SPATA13: variants seen among roughly 807,000 people sequenced by gnomAD.
SPATA13 encodes the protein spermatogenesis-associated protein 13.
SPATA13 carries 50 observed loss-of-function variants against 104.0 expected under a neutral mutation model. The observed-to-expected ratio is 0.48, with a 90% CI of 0.38 to 0.61. SPATA13 has a LOEUF of 0.61. Among genes scored for constraint, SPATA13 ranks in the 20% least tolerant of loss-of-function variants. SPATA13 has a pLI of 0.00. For synonymous variants in SPATA13, 606 were observed against 667.5 expected (o/e 0.91, Z 1.42); for missense variants, 1,524 against 1,690.6 (o/e 0.90, Z 1.73).
At chr13:24,283,657 G>A (rs1178073002) in intron 4 of SPATA13, among the ~76,000 whole-genome samples, 1 of 152,216 alleles carries the variant, frequency 6.6e-6, no homozygotes, top group African/African-American at 2.4e-5. Flanking sequence ...TGTACAGAGA[G>A]TAAGAATGAT....
intron 8 of SPATA13, among the ~76,000 whole-genome samples, chr13:24,290,376 G>T (rs766207985): frequency 7.2e-5 from 11 of 152,140 alleles, no homozygotes; most frequent in Admixed American, 3.9e-4. Flanking sequence ...CGTGAGGCAG[G>T]CTAGAAAGAG....
At chr13:24,063,975 C>G (rs182741960) in intron 3 of SPATA13, among the ~76,000 whole-genome samples, 3 of 152,252 alleles carry the variant, frequency 2.0e-5, no homozygotes, top group African/African-American at 7.2e-5. Context: ...ACTGTGTGGC[C>G]TCACCGCCTC....
chr13:24,054,036 C>A (rs1046509741), intron 3 of SPATA13, among the ~76,000 whole-genome samples: 1 of 152,114 alleles, frequency 6.6e-6, no homozygotes, highest in Non-Finnish European at 1.5e-5. Flanking sequence ...CTCTGCCCTG[C>A]GGGGACACTC....
chr13:24,262,680 A>C (rs983728749), intron 4 of SPATA13, among the ~76,000 whole-genome samples: 5 of 152,230 alleles, frequency 3.3e-5, no homozygotes, highest in Admixed American at 2.0e-4. Context: ...CAGATGTGGA[A>C]GAATGACCTG....
rs544423122 is a variant in SPATA13 at position 24,108,045 on chromosome 13, C to T, written c.-112+90344C>T. ...ACCAAGATCAGGGCACTGGTAGGCT[C>T]GGTGTCTGGATAGGGCCTGATCCTG... On this transcript the variant is annotated intron_variant, in intron 3 of 14. Coordinates refer to the SPATA13 transcript ENST00000424834. Among the ~76,000 whole-genome samples the T allele has an allele frequency of 1.1e-4, 17 of 152,272 alleles. 1 individual carries two copies. The South Asian group carries it at 1.2e-3, about 11-fold the overall frequency.
chr13:24,068,681 T>C (rs1879053905), intron 3 of SPATA13, among the ~76,000 whole-genome samples: 1 of 152,188 alleles, frequency 6.6e-6, no homozygotes, highest in Non-Finnish European at 1.5e-5. Context: ...TGCATTCTTA[T>C]GCAGTGAGAG....
At position 24,009,729 on chromosome 13, in the gene SPATA13, G is replaced by T. The variant is rs184411988; in HGVS notation, c.-146-7938G>T. On this transcript the variant is annotated intron_variant, in intron 2 of 14. Coordinates refer to the SPATA13 transcript ENST00000424834. ...TTTATCATATAGATGAAGCCTCCAG[G>T]TAGCAGGCTTCAGAGAAAACAGATT... is the stretch of plus-strand genomic sequence containing the variant. Among the ~76,000 whole-genome samples, 12 of 152,348 alleles carry T rather than the reference G, an allele frequency of 7.9e-5. No individual in the cohort carries two copies. In the East Asian group the frequency reaches 2.3e-3, roughly 29 times the overall value.
At chr13:23,986,059 G>A (rs1009186862) in intron 2 of SPATA13, among the ~76,000 whole-genome samples, 3 of 152,190 alleles carry the variant, frequency 2.0e-5, no homozygotes, top group Non-Finnish European at 2.9e-5. Flanking sequence ...TGCAGCTGTC[G>A]CTCATTCCAC....
chr13:24,166,947 T>G (rs1379895692), intron 1 of SPATA13, among the ~76,000 whole-genome samples: 1 of 152,220 alleles, frequency 6.6e-6, no homozygotes, highest in Non-Finnish European at 1.5e-5. Flanking sequence ...GAGGGACACA[T>G]ACATTCAGAC....
intron 3 of SPATA13, among the ~76,000 whole-genome samples, chr13:24,024,070 G>T (rs756024079): frequency 5.3e-5 from 8 of 152,186 alleles, no homozygotes; most frequent in Non-Finnish European, 1.0e-4. Flanking sequence ...AATTGCCACT[G>T]TGCTGAAGAG....
At chr13:24,222,456 T>C (rs1871639874) in intron 1 of SPATA13, among the ~76,000 whole-genome samples, 1 of 148,518 alleles carries the variant, frequency 6.7e-6, no homozygotes, top group Non-Finnish European at 1.5e-5. Flanking sequence ...GGTTTTCTTT[T>C]GGTATTTCCT....
intron 3 of SPATA13, among the ~76,000 whole-genome samples, chr13:24,250,848 C>G (rs1873438745): frequency 6.6e-6 from 1 of 152,166 alleles, no homozygotes; most frequent in South Asian, 2.1e-4. Flanking sequence ...CATTTTAACT[C>G]AGAACAATAG....
At chr13:24,002,794 C>T (rs1876040573) in intron 2 of SPATA13, among the ~76,000 whole-genome samples, 1 of 152,312 alleles carries the variant, frequency 6.6e-6, no homozygotes, top group African/African-American at 2.4e-5. Flanking sequence ...GCAGTCCTTA[C>T]TTGGCAGGCA....
intron 1 of SPATA13, among the ~76,000 whole-genome samples, chr13:24,203,930 T>C (rs1222570248): frequency 6.6e-6 from 1 of 152,188 alleles, no homozygotes; most frequent in African/African-American, 2.4e-5. Flanking sequence ...TCTGGATGAT[T>C]AAGGTCATGT....
At chr13:24,083,855 T>A (rs1483247608) in intron 3 of SPATA13, among the ~76,000 whole-genome samples, 1 of 152,134 alleles carries the variant, frequency 6.6e-6, no homozygotes, top group Non-Finnish European at 1.5e-5. Flanking sequence ...CCCTTGTCAC[T>A]GGGGGAAAAA....
intron 11 of SPATA13, among the ~76,000 whole-genome samples, chr13:24,300,064 G>A (rs971127264): frequency 6.6e-6 from 1 of 152,138 alleles, no homozygotes; most frequent in Non-Finnish European, 1.5e-5. Context: ...CTCTCCTTCT[G>A]GGGCCTCATC....
chr13:24,223,820 C>A lies in SPATA13; in HGVS notation c.891C>A (p.Ser297=). The stretch of plus-strand genomic sequence containing the variant: ...CCCTGAGCAGTTCCTCCACTGACTC[C>A]CAAAAGCTTGGGTCAGGAAGGACCA... The part of the protein sequence containing the change: ...QRTLSSSSTD[S]QKLGSGRTKR... Residue 297 remains serine (S), a synonymous_variant, in exon 2 of 13, where the codon TCC becomes TCA. Transcript: ENST00000382108. 1 of 1,551,770 alleles carries A rather than the reference C, an allele frequency of 6.4e-7. No homozygotes were observed. Among genetic ancestry groups the A allele is most frequent in the Non-Finnish European group, 8.7e-7 (1 of 1,147,012 alleles).
intron 1 of SPATA13, among the ~76,000 whole-genome samples, chr13:24,184,977 G>C (rs12586059): frequency 2.0e-5 from 3 of 152,178 alleles, no homozygotes; most frequent in Admixed American, 6.5e-5. Context: ...TCATTCCTCA[G>C]GAAAGTGCGG....
At chr13:24,115,695 G>A (rs1376496893) in intron 3 of SPATA13, among the ~76,000 whole-genome samples, 5 of 152,190 alleles carry the variant, frequency 3.3e-5, no homozygotes, top group East Asian at 1.9e-4. Context: ...TCAGAGGGTC[G>A]GGAACACGGG....
Sources: gnomAD v4.1 joint callset for allele counts (sites outside exome capture counted in the v4.1 genomes callset) on GRCh38, gnomAD v4.1.1 for gene constraint, MANE v1.5 for transcripts, NCBI Gene and HGNC (gene_info 2026-07-23, HGNC 2026-07-21) for gene names.